Variants in ROCK1 observed in about 807,000 individuals in gnomAD.
The protein encoded by ROCK1 is Rho associated coiled-coil containing protein kinase 1, also known as rho-associated protein kinase 1.
A neutral mutation model predicts 196.8 loss-of-function variants in ROCK1; 36 were observed. The ratio of observed to expected loss-of-function variants is 0.18; its 90% CI spans 0.14 to 0.24. The LOEUF is 0.24. Ranked by LOEUF, ROCK1 falls within the 10% of genes least tolerant of loss-of-function variation. The pLI is 1.00. For missense variants in ROCK1, 920 were observed against 1,562.0 expected, an observed-to-expected ratio of 0.59 and a Z score of 6.93; for synonymous variants, 443 against 515.9, an observed-to-expected ratio of 0.86 and a Z score of 1.91.
intron 17 of ROCK1, among the ~76,000 whole-genome samples, chr18:20,991,725 C>T (rs534854051): frequency 2.1e-4 from 32 of 152,084 alleles, no homozygotes; most frequent in African/African-American, 7.2e-4. Context: ...GCCTTGAACT[C>T]CTGGGCTCAA....
intron 10 of ROCK1, 40 bp downstream of exon 10, chr18:21,028,736 A>G (rs762899188): frequency 9.1e-5 from 138 of 1,520,212 alleles, no homozygotes; most frequent in Non-Finnish European, 1.2e-4. Context: ...TAAGAACAAA[A>G]TCAGCACTTA....
At chr18:20,959,504 A>C (rs1002755727) in intron 29 of ROCK1, among the ~76,000 whole-genome samples, 1 of 151,052 alleles carries the variant, frequency 6.6e-6, no homozygotes, top group Non-Finnish European at 1.5e-5. Flanking sequence ...GAGTCACCGC[A>C]CCCGGCCCTC....
chr18:21,012,112 T>TA (rs1247467077), intron 13 of ROCK1, among the ~76,000 whole-genome samples: 1 of 152,112 alleles, frequency 6.6e-6, no homozygotes, highest in Non-Finnish European at 1.5e-5. Flanking sequence ...CACACTTGGC[T>TA]AATTTTTTTT....
At chr18:20,972,710 G>A (rs980189162) in intron 22 of ROCK1, among the ~76,000 whole-genome samples, 3 of 152,154 alleles carry the variant, frequency 2.0e-5, no homozygotes, top group African/African-American at 7.2e-5. Context: ...GTCACTATTA[G>A]GAAGACCCCA....
intron 32 of ROCK1, among the ~76,000 whole-genome samples, chr18:20,952,637 G>A (rs1222327521): frequency 2.0e-5 from 3 of 151,360 alleles, no homozygotes; most frequent in Non-Finnish European, 4.4e-5. Flanking sequence ...AATTAGCCAG[G>A]CGTGGCATGC....
At chr18:21,109,698 C>T (rs1433561330) in intron 1 of ROCK1, among the ~76,000 whole-genome samples, 1 of 152,048 alleles carries the variant, frequency 6.6e-6, no homozygotes, top group Non-Finnish European at 1.5e-5. Flanking sequence ...AACCCATACA[C>T]GTGGAAAAAT....
Position 21,111,370 on chromosome 18 carries a change from A to T in ROCK1, c.-460T>A, listed in dbSNP as rs1252633113. ...CAAAGGGCGGGTGAGGAGCTGTGCCAGCTGCGGCCGCCGCTCGGGCCACGG... is the reference window on the plus strand; with the variant it reads ...CAAAGGGCGGGTGAGGAGCTGTGCCTGCTGCGGCCGCCGCTCGGGCCACGG... On this transcript the variant is annotated 5_prime_UTR_variant, in exon 1 of 33. Coordinates refer to ENST00000399799, the MANE Select transcript of ROCK1 (RefSeq NM_005406.3). This position sits in a 1 kb window ranked among gnomAD's most constrained non-coding sequence, Gnocchi z 4.2. 2.4e-6 allele frequency: 1 copy of T among 418,900 alleles called. No homozygotes were observed. Among genetic ancestry groups the T allele is most frequent in the Non-Finnish European group, 4.2e-6 (1 of 238,210 alleles). The allele number at this position is 418,900 out of a possible 1,614,324, so 25.9% of individuals were successfully genotyped here.
intron 22 of ROCK1, among the ~76,000 whole-genome samples, chr18:20,978,648 G>T (rs1302201383): frequency 1.3e-5 from 2 of 152,190 alleles, no homozygotes; most frequent in East Asian, 3.8e-4. Flanking sequence ...GGGAAATGGG[G>T]AATGTTCAAC....
intron 16 of ROCK1, among the ~76,000 whole-genome samples, chr18:20,998,597 CTTTTTTTTTT>C (rs541265477): frequency 1.0e-5 from 1 of 97,318 alleles, no homozygotes; most frequent in Non-Finnish European, 2.0e-5. Flanking sequence ...TTTTACCAAA[CTTTTTTTTTT>C]TTTTTTTTTT....
At chr18:21,038,242 A>T (rs964010064) in intron 9 of ROCK1, among the ~76,000 whole-genome samples, 1 of 152,102 alleles carries the variant, frequency 6.6e-6, no homozygotes, top group African/African-American at 2.4e-5. Context: ...GATAATAATT[A>T]TGTCACATTT....
Position 21,111,380 on chromosome 18 carries a change from G to C in ROCK1, c.-470C>G, listed in dbSNP as rs2036750857. 3 of 411,136 alleles carry C rather than the reference G, an allele frequency of 7.3e-6. No homozygotes were observed. The highest frequency in any genetic ancestry group is 1.3e-5 in the Non-Finnish European group (3 of 233,196). The allele number at this position is 411,136 out of a possible 1,614,324, so 25.5% of individuals were successfully genotyped here. A position where few individuals can be genotyped will look rare whatever the true frequency, so the allele number is the denominator to read the frequency against. ...GTGAGGAGCTGTGCCAGCTGCGGCCGCCGCTCGGGCCACGGGCCGGGCCCG... is the reference window on the plus strand; with the variant it reads ...GTGAGGAGCTGTGCCAGCTGCGGCCCCCGCTCGGGCCACGGGCCGGGCCCG... On this transcript the variant is annotated 5_prime_UTR_variant, in exon 1 of 33. Coordinates refer to ENST00000399799, the MANE Select transcript of ROCK1 (RefSeq NM_005406.3). The surrounding 1 kb of genome is among the most constrained non-coding windows in gnomAD (Gnocchi z 4.2).
At chr18:21,077,776 G>A (rs1002214128) in intron 1 of ROCK1, among the ~76,000 whole-genome samples, 3 of 152,148 alleles carry the variant, frequency 2.0e-5, no homozygotes, top group African/African-American at 7.2e-5. Context: ...GCCTAGCTAA[G>A]TGGTAAAGGA....
chr18:21,009,022 CCAGTCACTAGTTATAGCCA>C (rs2035792505), intron 13 of ROCK1, among the ~76,000 whole-genome samples: 3 of 152,132 alleles, frequency 2.0e-5, no homozygotes. Context: ...CAATTTCTTT[CCAGTCACTAGTTATAGCCA>C]CACCCATCCC....
intron 10 of ROCK1, among the ~76,000 whole-genome samples, chr18:21,027,708 ACATTTTATAAC>A (rs1237780275): frequency 6.7e-6 from 1 of 149,936 alleles, no homozygotes; most frequent in Non-Finnish European, 1.5e-5. Flanking sequence ...AGGTAATACT[ACATTTTATAAC>A]ACATGGTAAA....
chr18:20,963,643 T>C (rs1410689353), intron 27 of ROCK1, among the ~76,000 whole-genome samples: 1 of 152,108 alleles, frequency 6.6e-6, no homozygotes, highest in African/African-American at 2.4e-5. Context: ...CAATACCAAG[T>C]TTTCCTAATC....
chr18:20,993,596 T>C (rs2035645596), intron 16 of ROCK1, among the ~76,000 whole-genome samples: 1 of 152,204 alleles, frequency 6.6e-6, no homozygotes. Context: ...GCAAAGTGTT[T>C]AATAAAATTA....
intron 27 of ROCK1, among the ~76,000 whole-genome samples, chr18:20,961,707 C>G (rs1373905984): frequency 6.6e-6 from 1 of 152,020 alleles, no homozygotes; most frequent in African/African-American, 2.4e-5. Context: ...GTAATGTCTC[C>G]ACACCTTTGC....
At chr18:21,051,950 A>G (rs2036206913) in intron 2 of ROCK1, among the ~76,000 whole-genome samples, 1 of 152,238 alleles carries the variant, frequency 6.6e-6, no homozygotes, top group African/African-American at 2.4e-5. Flanking sequence ...GATGAGTTCA[A>G]TAAAGTCAAG....
At chr18:21,092,058 T>G (rs540407199) in intron 1 of ROCK1, among the ~76,000 whole-genome samples, 1 of 152,040 alleles carries the variant, frequency 6.6e-6, no homozygotes, top group South Asian at 2.1e-4. Context: ...ATTAGGGGAG[T>G]CAGCACCTCT....
Sources: allele counts gnomAD v4.1 joint callset (sites outside exome capture counted in the v4.1 genomes callset), GRCh38; gene constraint gnomAD v4.1.1; non-coding constraint Gnocchi (gnomAD v3.1); transcripts MANE v1.5; gene names NCBI Gene and HGNC (gene_info 2026-07-23, HGNC 2026-07-21).